The following PRKCE variants were observed in gnomAD, a reference collection of about 807,000 sequenced individuals.
PRKCE encodes protein kinase C epsilon, also known as protein kinase C epsilon type.
PRKCE carries 16 observed loss-of-function variants against 85.4 expected under a neutral mutation model. The observed-to-expected ratio is 0.19, with a 90% CI of 0.13 to 0.28. The LOEUF is 0.28. Ranked by LOEUF, PRKCE falls within the 10% of genes least tolerant of loss-of-function variation. PRKCE has a pLI of 1.00. For synonymous variants in PRKCE, 388 were observed against 371.5 expected (o/e 1.04, Z -0.51); for missense variants, 573 against 975.2 (o/e 0.59, Z 5.49).
intron 6 of PRKCE, among the ~76,000 whole-genome samples, chr2:45,992,496 C>G (rs1220937099): frequency 2.0e-5 from 3 of 152,224 alleles, no homozygotes; most frequent in Non-Finnish European, 2.9e-5. Flanking sequence ...CTCTCACACC[C>G]CTGCCAACTT....
At chr2:45,978,779 C>A in intron 3 of PRKCE, 197 bp from the exon 4 acceptor site, 1 of 568,006 alleles carries the variant, frequency 1.8e-6, no homozygotes, top group Non-Finnish European at 3.1e-6. Flanking sequence ...CCTCCCCAAG[C>A]ACTGGGACTG....
At chr2:45,986,933 G>A (rs961039701) in intron 6 of PRKCE, among the ~76,000 whole-genome samples, 3 of 152,130 alleles carry the variant, frequency 2.0e-5, no homozygotes, top group Non-Finnish European at 4.4e-5. Context: ...CAGGAGTCTC[G>A]AGTGTCTAGC....
chr2:45,835,843 C>A (rs1248857308), intron 1 of PRKCE, among the ~76,000 whole-genome samples: 2 of 152,142 alleles, frequency 1.3e-5, no homozygotes, highest in Non-Finnish European at 2.9e-5. Flanking sequence ...GATCCTCCTG[C>A]CTCAGCTTCC....
chr2:45,750,437 A>G (rs11125031), intron 1 of PRKCE, among the ~76,000 whole-genome samples: 58,309 of 151,960 alleles, frequency 0.38, 11,269 homozygotes, highest in East Asian at 0.42. Context: ...TCCTTCCCAT[A>G]CCAAAATTTG....
At chr2:45,930,601 C>A (rs1698970339) in intron 2 of PRKCE, among the ~76,000 whole-genome samples, 1 of 152,356 alleles carries the variant, frequency 6.6e-6, no homozygotes, top group South Asian at 2.1e-4. Context: ...GAGGGCATGG[C>A]AGCTGCAGTT....
intron 1 of PRKCE, among the ~76,000 whole-genome samples, chr2:45,712,535 G>A (rs1443981324): frequency 6.6e-6 from 1 of 152,082 alleles, no homozygotes; most frequent in African/African-American, 2.4e-5. Flanking sequence ...TGTACTGTTG[G>A]TGGCCTCCAG....
intron 10 of PRKCE, among the ~76,000 whole-genome samples, chr2:46,055,364 C>G (rs866095153): frequency 1.3e-5 from 2 of 152,234 alleles, no homozygotes; most frequent in East Asian, 1.9e-4. Flanking sequence ...TGAGTGGAGT[C>G]TGCCCCTGCC....
intron 10 of PRKCE, among the ~76,000 whole-genome samples, chr2:46,057,613 T>C (rs1464230462): frequency 1.3e-5 from 2 of 152,136 alleles, no homozygotes; most frequent in Admixed American, 6.6e-5. Context: ...TTTGTATTTT[T>C]AGTAGACACG....
intron 1 of PRKCE, among the ~76,000 whole-genome samples, chr2:45,734,194 G>A (rs578155267): frequency 2.6e-5 from 4 of 152,168 alleles, no homozygotes; most frequent in East Asian, 1.9e-4. Context: ...GTGAAACCCC[G>A]TCTCTACTAA....
At chr2:45,722,591 T>C (rs1680711707) in intron 1 of PRKCE, among the ~76,000 whole-genome samples, 1 of 152,130 alleles carries the variant, frequency 6.6e-6, no homozygotes, top group African/African-American at 2.4e-5. Context: ...AATGGGAAGA[T>C]GAGGAAAAGC....
chr2:46,169,031 G>A (rs1284851395), intron 14 of PRKCE, among the ~76,000 whole-genome samples: 1 of 152,182 alleles, frequency 6.6e-6, no homozygotes, highest in Non-Finnish European at 1.5e-5. Context: ...CCTCACAGAG[G>A]GGCTCAGCCC....
At chr2:46,047,999 C>T (rs1004645163) in intron 10 of PRKCE, among the ~76,000 whole-genome samples, 2 of 152,200 alleles carry the variant, frequency 1.3e-5, no homozygotes, top group African/African-American at 4.8e-5. Flanking sequence ...GGAAGACTAA[C>T]TCACATATTA....
chr2:46,110,485 T>C (rs548700609), intron 11 of PRKCE, among the ~76,000 whole-genome samples: 1 of 152,346 alleles, frequency 6.6e-6, no homozygotes, highest in Admixed American at 6.5e-5. Context: ...CATAAAGTTC[T>C]TTACAGCATT....
At chr2:46,156,033 A>AAC (rs1391729766) in intron 13 of PRKCE, among the ~76,000 whole-genome samples, 17 of 147,400 alleles carry the variant, frequency 1.2e-4, no homozygotes, top group African/African-American at 4.2e-4. Flanking sequence ...ATGTACAAAA[A>AAC]AAAATAATAA....
At chr2:45,901,010 C>T (rs1449652539) in intron 2 of PRKCE, among the ~76,000 whole-genome samples, 1 of 152,196 alleles carries the variant, frequency 6.6e-6, no homozygotes, top group Non-Finnish European at 1.5e-5. Flanking sequence ...CAGAACCATG[C>T]CTCACATATG....
At chr2:45,659,892 C>G (rs1675559473) in intron 1 of PRKCE, among the ~76,000 whole-genome samples, 1 of 135,830 alleles carries the variant, frequency 7.4e-6, no homozygotes, top group Non-Finnish European at 1.6e-5. Flanking sequence ...ATTTAGTTTT[C>G]TTATTTATCT....
rs556602745 is a variant in PRKCE, at chr2:46,159,763, C to T, written c.2067+11C>T. On this transcript the variant is annotated intron_variant, in intron 14 of 14. Transcript: ENST00000306156. The surrounding 1 kb of genome is among the most constrained non-coding windows in gnomAD (Gnocchi z 4.1). Reference sequence around the variant, plus strand: ...TTCAAACCACGCATTGTAAGTTGGTCCCCGTGCACGTTCAGCACCATGGGT... The same window carrying T: ...TTCAAACCACGCATTGTAAGTTGGTTCCCGTGCACGTTCAGCACCATGGGT... 2 of 1,599,036 alleles carry T rather than the reference C, an allele frequency of 1.3e-6. No homozygotes were observed. The highest frequency in any genetic ancestry group is 1.1e-5 in the South Asian group (1 of 90,882).
At chr2:46,105,664 A>T (rs1671649541) in intron 11 of PRKCE, among the ~76,000 whole-genome samples, 1 of 152,200 alleles carries the variant, frequency 6.6e-6, no homozygotes, top group Admixed American at 6.5e-5. Flanking sequence ...ACCACCAGAG[A>T]TCACTTTTTG....
At chr2:45,825,545 A>G (rs1036877748) in intron 1 of PRKCE, among the ~76,000 whole-genome samples, 1 of 152,170 alleles carries the variant, frequency 6.6e-6, no homozygotes, top group African/African-American at 2.4e-5. Flanking sequence ...GCAGACAGTT[A>G]GTTCAGTGGT....
Sources: gnomAD v4.1 joint callset for allele counts (sites outside exome capture counted in the v4.1 genomes callset) on GRCh38, gnomAD v4.1.1 for gene constraint, Gnocchi (gnomAD v3.1) non-coding constraint, MANE v1.5 for transcripts, NCBI Gene and HGNC (gene_info 2026-07-23, HGNC 2026-07-21) for gene names.